CAP1: variants seen among roughly 807,000 people sequenced by gnomAD.
CAP1 encodes the protein adenylyl cyclase-associated protein 1.
CAP1 carries 11 observed loss-of-function variants against 58.2 expected under a neutral mutation model. The ratio of observed to expected loss-of-function variants is 0.19; its 90% confidence interval spans 0.12 to 0.31. The LOEUF (loss-of-function observed/expected upper bound fraction) is 0.31, where lower values mean the gene tolerates loss of function less well. Among genes scored for constraint, CAP1 ranks in the 10% least tolerant of loss-of-function variants. CAP1 has a pLI of 1.00. For synonymous variants in CAP1, 183 were observed against 213.8 expected (o/e 0.86, Z 1.26); for missense variants, 423 against 587.5 (o/e 0.72, Z 2.89).
chr1:40,059,272 G>A lies in CAP1; in HGVS notation c.-10-65G>A, dbSNP rs1467186742. ...ACCTGGGGATGACCAGGAATTTTCTGTTTTTTTCTCTGTAGGTGCTATTTA... is the reference window on the plus strand; with the variant it reads ...ACCTGGGGATGACCAGGAATTTTCTATTTTTTTCTCTGTAGGTGCTATTTA... On this transcript the variant is annotated intron_variant, in intron 1 of 12. Transcript: ENST00000372805. The A allele has an allele frequency of 4.3e-6, 4 of 937,172 alleles. No homozygotes were observed. In the East Asian group the frequency reaches 9.9e-5, roughly 23 times the overall value. The allele number at this position is 937,172 out of a possible 1,614,324, so 58.1% of individuals were successfully genotyped here.
intron 8 of CAP1, among the ~76,000 whole-genome samples, chr1:40,068,183 AT>A (rs1435824365): frequency 2.6e-5 from 4 of 152,238 alleles, no homozygotes; most frequent in African/African-American, 9.6e-5. Flanking sequence ...GGAATCTATG[AT>A]CATAGTAGCT....
chr1:40,046,807 C>G (rs962241066), intron 1 of CAP1, among the ~76,000 whole-genome samples: 1 of 148,838 alleles, frequency 6.7e-6, no homozygotes, highest in Non-Finnish European at 1.5e-5. Flanking sequence ...GAGTCTCACT[C>G]TGTCGCCCAG....
At chr1:40,042,228 A>C (rs1645869941) in intron 1 of CAP1, among the ~76,000 whole-genome samples, 3 of 152,194 alleles carry the variant, frequency 2.0e-5, no homozygotes, top group Admixed American at 2.0e-4. Flanking sequence ...TTTTAATGAG[A>C]TAGCCTTTGT....
At chr1:40,062,448 T>C (rs1181486306) in intron 4 of CAP1, among the ~76,000 whole-genome samples, 3 of 152,120 alleles carry the variant, frequency 2.0e-5, no homozygotes, top group South Asian at 2.1e-4. Flanking sequence ...TGCAAGATAA[T>C]GTCAAATATA....
chr1:40,045,549 T>A (rs976948721), intron 1 of CAP1, among the ~76,000 whole-genome samples: 29 of 152,148 alleles, frequency 1.9e-4, no homozygotes, highest in African/African-American at 7.0e-4. Flanking sequence ...CAGTTCTTTT[T>A]CTTTCTTTTG....
At chr1:40,044,372 T>G (rs1645983935) in intron 1 of CAP1, among the ~76,000 whole-genome samples, 1 of 152,236 alleles carries the variant, frequency 6.6e-6, no homozygotes. Context: ...ATTTGAAATA[T>G]GAGAGTTCTC....
rs1278346408 is a variant in CAP1, at chr1:40,058,858, G to A, written c.-10-479G>A. Among the ~76,000 whole-genome samples, 5 of 152,254 alleles carry A rather than the reference G, an allele frequency of 3.3e-5. No homozygotes were observed. In the East Asian group the frequency reaches 9.7e-4, roughly 29 times the overall value. ...CAGAAGGATCAGATAAGGATATGAT[G>A]GAGTACTGGCTTCTCTATTCACTGG... On this transcript the variant is annotated intron_variant, in intron 1 of 12. Coordinates refer to ENST00000372805, the MANE Select transcript of CAP1 (RefSeq NM_006367.4).
At chr1:40,058,571 CA>C (rs1646712368) in intron 1 of CAP1, among the ~76,000 whole-genome samples, 3 of 152,018 alleles carry the variant, frequency 2.0e-5, no homozygotes, top group Admixed American at 2.0e-4. Context: ...ACTAAAACTA[CA>C]AAAAATTAGC....
chr1:40,052,992 A>G (rs1646447986), intron 1 of CAP1, among the ~76,000 whole-genome samples: 3 of 152,254 alleles, frequency 2.0e-5, no homozygotes, highest in African/African-American at 7.2e-5. Context: ...TGGGAGGCCA[A>G]GGCGGGCGGA....
intron 1 of CAP1, among the ~76,000 whole-genome samples, chr1:40,050,129 A>C (rs1646288545): frequency 6.6e-6 from 1 of 152,140 alleles, no homozygotes; most frequent in Admixed American, 6.5e-5. Flanking sequence ...GCTAATTGAA[A>C]GGACTGTTCT....
intron 12 of CAP1, among the ~76,000 whole-genome samples, chr1:40,071,242 G>A (rs141408604): frequency 0.011 from 1,750 of 152,242 alleles, 24 homozygotes; most frequent in African/African-American, 0.032. Context: ...AAAGCCATAT[G>A]TACTGTTATT....
At chr1:40,052,187 T>A (rs1329783302) in intron 1 of CAP1, among the ~76,000 whole-genome samples, 1 of 152,190 alleles carries the variant, frequency 6.6e-6, no homozygotes, top group Non-Finnish European at 1.5e-5. Flanking sequence ...CATTTTACAT[T>A]TGAATTGCAT....
intron 12 of CAP1, 92 bp from the exon 13 acceptor site, chr1:40,071,358 A>C (rs1647986052): frequency 4.6e-6 from 4 of 873,502 alleles, no homozygotes; most frequent in Admixed American, 2.1e-5. Context: ...CCTGGGGTTA[A>C]GTGGAAGCAA....
At chr1:40,047,773 G>A (rs1317755760) in intron 1 of CAP1, among the ~76,000 whole-genome samples, 4 of 152,278 alleles carry the variant, frequency 2.6e-5, no homozygotes, top group African/African-American at 9.6e-5. Flanking sequence ...GTTTGCTCCA[G>A]ACATTGAAAC....
At chr1:40,059,961 T>A (rs1646777995) in intron 2 of CAP1, 106 bp from the exon 3 acceptor site, 1 of 826,434 alleles carries the variant, frequency 1.2e-6, no homozygotes, top group Non-Finnish European at 2.0e-6. Flanking sequence ...CTGTTCTGTA[T>A]CCTGTTGACT....
chr1:40,063,415 G>A (rs764669154), intron 4 of CAP1, among the ~76,000 whole-genome samples: 5 of 151,662 alleles, frequency 3.3e-5, no homozygotes, highest in African/African-American at 4.8e-5. Flanking sequence ...GGACTCAAGC[G>A]ATCTGCCCAC....
At chr1:40,046,248 G>T (rs1266757633) in intron 1 of CAP1, among the ~76,000 whole-genome samples, 1 of 152,170 alleles carries the variant, frequency 6.6e-6, no homozygotes, top group Admixed American at 6.5e-5. Flanking sequence ...CTGAGGTCAG[G>T]AGTTCGAGAC....
At chr1:40,047,330 C>T (rs1646151937) in intron 1 of CAP1, among the ~76,000 whole-genome samples, 7 of 152,322 alleles carry the variant, frequency 4.6e-5, no homozygotes, top group Admixed American at 3.9e-4. Context: ...TATGCCTCAG[C>T]TACAGTGCTG....
intron 6 of CAP1, among the ~76,000 whole-genome samples, chr1:40,065,041 C>T (rs1411468769): frequency 1.3e-5 from 2 of 152,220 alleles, no homozygotes; most frequent in Non-Finnish European, 2.9e-5. Context: ...AATACTTCTG[C>T]TTCCACTTCT....
Sources: allele counts gnomAD v4.1 joint callset (sites outside exome capture counted in the v4.1 genomes callset), GRCh38; gene constraint gnomAD v4.1.1; transcripts MANE v1.5; gene names NCBI Gene and HGNC (gene_info 2026-07-23, HGNC 2026-07-21).